The following MPPED2 variants were observed in gnomAD, a reference collection of about 807,000 sequenced individuals.
The protein encoded by MPPED2 is metallophosphoesterase MPPED2.
In MPPED2, 5 loss-of-function variants were observed where a neutral mutation model predicts 33.0. The observed-to-expected ratio is 0.15, with a 90% CI of 0.08 to 0.32. The LOEUF is 0.32. Among genes scored for constraint, MPPED2 ranks in the 10% least tolerant of loss-of-function variants. The pLI is 1.00. For synonymous variants in MPPED2, 136 were observed against 141.9 expected, an observed-to-expected ratio of 0.96 and a Z score of 0.29; for missense variants, 275 against 372.1, an observed-to-expected ratio of 0.74 and a Z score of 2.15.
At position 30,401,987 on chromosome 11, in the gene MPPED2, G is replaced by A. The variant is rs558820189; in HGVS notation, c.766+12241C>T. The stretch of plus-strand genomic sequence containing the variant: ...GCTGGGATTACAGACGTGAGCCACC[G>A]CCCCCGGCCTACATAAGATTTTTAG... On this transcript the variant is annotated intron_variant, in intron 6 of 6. Coordinates refer to the MPPED2 transcript ENST00000448418. Among the ~76,000 whole-genome samples, 5 of 152,044 alleles carry A rather than the reference G, an allele frequency of 3.3e-5. No homozygotes were observed. In the East Asian group the frequency reaches 5.8e-4, roughly 18 times the overall value.
At chr11:30,433,155 G>A (rs190722884) in intron 4 of MPPED2, among the ~76,000 whole-genome samples, 147 of 152,284 alleles carry the variant, frequency 9.7e-4, no homozygotes, top group African/African-American at 3.4e-3. Flanking sequence ...AATCTGATTT[G>A]CTGAGATTGT....
chr11:30,456,267 T>G (rs1268881304), intron 4 of MPPED2, among the ~76,000 whole-genome samples: 1 of 152,202 alleles, frequency 6.6e-6, no homozygotes, highest in Non-Finnish European at 1.5e-5. Context: ...GTCTGACATG[T>G]GAACAAAGAC....
chr11:30,500,337 A>T (rs1190430580), intron 3 of MPPED2, among the ~76,000 whole-genome samples: 1 of 151,850 alleles, frequency 6.6e-6, no homozygotes, highest in African/African-American at 2.4e-5. Flanking sequence ...TTTGCATCCT[A>T]TCTCATCTGC....
At chr11:30,477,188 T>C (rs1373948386) in intron 4 of MPPED2, among the ~76,000 whole-genome samples, 1 of 152,074 alleles carries the variant, frequency 6.6e-6, no homozygotes, top group Non-Finnish European at 1.5e-5. Context: ...TACTTCTTTG[T>C]CTCCAATCTT....
intron 4 of MPPED2, among the ~76,000 whole-genome samples, chr11:30,431,323 G>T (rs965131389): frequency 3.9e-5 from 6 of 152,222 alleles, no homozygotes; most frequent in African/African-American, 1.4e-4. Flanking sequence ...GTGCAGCTCT[G>T]AAGTCAGACC....
At position 30,568,464 on chromosome 11, in the gene MPPED2, T is replaced by C. The variant is rs77839580; in HGVS notation, c.128+11782A>G. ...TCCTGCAGCCTGTGGTACAGCACCC[T>C]GCAAAACAGTGCTATCTGTTTATAA... On this transcript the variant is annotated intron_variant, in intron 2 of 6. Transcript: ENST00000358117. Among the ~76,000 whole-genome samples the C allele has an allele frequency of 7.0e-4, 107 of 152,296 alleles. 1 individual carries two copies. In the East Asian group the frequency reaches 7.9e-3, roughly 11 times the overall value.
intron 3 of MPPED2, among the ~76,000 whole-genome samples, chr11:30,502,202 G>T (rs2134249198): frequency 6.6e-6 from 1 of 151,722 alleles, no homozygotes; most frequent in Non-Finnish European, 1.5e-5. Context: ...CTAGCTCTTT[G>T]GCTCCCAGAC....
chr11:30,506,580 A>G (rs1952839142), intron 3 of MPPED2, among the ~76,000 whole-genome samples: 1 of 152,252 alleles, frequency 6.6e-6, no homozygotes, highest in Non-Finnish European at 1.5e-5. Flanking sequence ...TAATTATAAA[A>G]TAAGTGGCAA....
intron 2 of MPPED2, among the ~76,000 whole-genome samples, chr11:30,559,302 A>G (rs1956132213): frequency 6.6e-6 from 1 of 152,200 alleles, no homozygotes; most frequent in Non-Finnish European, 1.5e-5. Flanking sequence ...AATAGTAACA[A>G]AGGTCTTTAC....
chr11:30,467,480 G>A (rs1026477), intron 4 of MPPED2, among the ~76,000 whole-genome samples: 68,277 of 151,990 alleles, frequency 0.45, 16,706 homozygotes, highest in Admixed American at 0.59. Context: ...GACATTGCCT[G>A]ATTTTAAGGG....
intron 4 of MPPED2, among the ~76,000 whole-genome samples, chr11:30,460,271 A>G (rs886365046): frequency 2.0e-5 from 3 of 152,130 alleles, no homozygotes; most frequent in East Asian, 1.9e-4. Flanking sequence ...TGGCGACAAT[A>G]TAAGTGCAGT....
intron 4 of MPPED2, among the ~76,000 whole-genome samples, chr11:30,419,309 T>C (rs1238197790): frequency 6.6e-6 from 1 of 152,182 alleles, no homozygotes; most frequent in Admixed American, 6.5e-5. Context: ...GCAGTCTGGT[T>C]CCAAAAACAA....
At chr11:30,483,690 T>C (rs1159870274) in intron 4 of MPPED2, among the ~76,000 whole-genome samples, 1 of 152,204 alleles carries the variant, frequency 6.6e-6, no homozygotes, top group Non-Finnish European at 1.5e-5. Flanking sequence ...GTTGAACTTT[T>C]AAATCATTAA....
At chr11:30,512,514 T>C (rs536310320) in intron 3 of MPPED2, among the ~76,000 whole-genome samples, 8 of 151,214 alleles carry the variant, frequency 5.3e-5, no homozygotes, top group Non-Finnish European at 5.9e-5. Flanking sequence ...TCTGCTCTTG[T>C]TGTGGGGGGA....
chr11:30,420,540 G>A (rs1948565748), intron 4 of MPPED2, among the ~76,000 whole-genome samples: 1 of 152,194 alleles, frequency 6.6e-6, no homozygotes, highest in Non-Finnish European at 1.5e-5. Flanking sequence ...CAACGTCTGA[G>A]CTGCCTATAA....
intron 3 of MPPED2, 64 bp from the exon 4 acceptor site, chr11:30,495,585 A>G: frequency 1.6e-6 from 2 of 1,224,714 alleles, no homozygotes; most frequent in South Asian, 2.6e-5. Flanking sequence ...ACAACAGCCG[A>G]GACTGTGTGA....
intron 4 of MPPED2, among the ~76,000 whole-genome samples, chr11:30,457,254 C>A (rs1950316490): frequency 6.6e-6 from 1 of 151,986 alleles, no homozygotes; most frequent in Non-Finnish European, 1.5e-5. Flanking sequence ...GGTTTCCTGC[C>A]CTGGTCTGTG....
In MPPED2 at chr11:30,501,141, A is replaced by T. The variant is rs1050895633; in HGVS notation, c.311-5620T>A. ...CAACCTGCACAGTTTCTGACACTCT[A>T]TATTCACTCAACAGACATTAGCTGT... On this transcript the variant is annotated intron_variant, in intron 3 of 6. Coordinates refer to ENST00000358117, the MANE Select transcript of MPPED2 (RefSeq NM_001584.3). Among the ~76,000 whole-genome samples, 3 of 152,270 alleles carry T rather than the reference A, an allele frequency of 2.0e-5. No individual in the cohort carries two copies. In the East Asian group the frequency reaches 5.8e-4, roughly 29 times the overall value.
At chr11:30,484,099 A>G (rs1348027608) in intron 4 of MPPED2, among the ~76,000 whole-genome samples, 3 of 152,190 alleles carry the variant, frequency 2.0e-5, no homozygotes, top group Non-Finnish European at 2.9e-5. Flanking sequence ...GTTGATTTAC[A>G]TGAAATTTTA....
Sources: gnomAD v4.1 joint callset for allele counts (sites outside exome capture counted in the v4.1 genomes callset) on GRCh38, gnomAD v4.1.1 for gene constraint, MANE v1.5 for transcripts, NCBI Gene and HGNC (gene_info 2026-07-23, HGNC 2026-07-21) for gene names.